Variants in GUCY2C observed in about 807,000 individuals in gnomAD.
GUCY2C encodes guanylate cyclase 2C.
A neutral mutation model predicts 131.1 loss-of-function variants in GUCY2C; 118 were observed. That is an observed-to-expected ratio of 0.90 (90% CI 0.78 to 1.05). The LOEUF (loss-of-function observed/expected upper bound fraction) is 1.05. Among genes scored for constraint, GUCY2C ranks in the 50% least tolerant of loss-of-function variants. GUCY2C has a pLI of 0.00. For missense variants in GUCY2C, 1,161 were observed against 1,304.4 expected, an observed-to-expected ratio of 0.89 and a Z score of 1.69; for synonymous variants, 452 against 457.8, an observed-to-expected ratio of 0.99 and a Z score of 0.16.
chr12:14,641,431 A>G (rs1273462359), intron 17 of GUCY2C, among the ~76,000 whole-genome samples: 6 of 152,186 alleles, frequency 3.9e-5, no homozygotes, highest in Non-Finnish European at 8.8e-5. Context: ...TAGACTAACT[A>G]TGAAATGTTA....
intron 18 of GUCY2C, among the ~76,000 whole-genome samples, chr12:14,640,332 C>T (rs192486794): frequency 6.4e-4 from 98 of 151,944 alleles, no homozygotes; most frequent in Admixed American, 5.1e-3. Context: ...TGGTGTGCAC[C>T]TGTCGTCCCA....
Position 14,672,951 on chromosome 12 carries a change from G to A in GUCY2C, c.1092C>T (p.Asp364=), listed in dbSNP as rs544933759. ...CCCAGTCATCCAAGGTCACTGGACC[G>A]TCATACCCTAGGGCAAGATCAGAGT... The part of the protein sequence containing the change: ...AFRNLTFEGY[D]GPVTLDDWGD... Residue 364 remains aspartate (D), a synonymous_variant, in exon 9 of 27, where the codon GAC becomes GAT. Transcript: ENST00000261170. The A allele has an allele frequency of 3.6e-5, 57 of 1,592,084 alleles. No homozygotes were observed. The highest frequency in any genetic ancestry group is 3.3e-4 in the Middle Eastern group (2 of 6,016).
chr12:14,672,972 A>C lies in GUCY2C; in HGVS notation c.1085-14T>G. On this transcript the variant is annotated splice_polypyrimidine_tract_variant and intron_variant, in intron 8 of 26. Transcript: ENST00000261170. ...GACCGTCATACCCTAGGGCAAGATC[A>C]GAGTATGTTAGAGGCCATTCTTGAT... 8 of 1,439,532 alleles carry C rather than the reference A, an allele frequency of 5.6e-6. No homozygotes were observed. The highest frequency in any genetic ancestry group is 7.8e-6 in the Non-Finnish European group (8 of 1,020,652). 89.2% of individuals were successfully genotyped at this position (1,439,532 alleles called of 1,614,324 possible).
chr12:14,657,621 G>GTT (rs779709091), intron 11 of GUCY2C, among the ~76,000 whole-genome samples: 1 of 152,076 alleles, frequency 6.6e-6, no homozygotes, highest in Non-Finnish European at 1.5e-5. Flanking sequence ...CAGTGGTGGC[G>GTT]TTAGATTCTC....
chr12:14,624,866 A>G (rs1592081234), intron 21 of GUCY2C, among the ~76,000 whole-genome samples: 1 of 152,186 alleles, frequency 6.6e-6, no homozygotes, highest in Admixed American at 6.5e-5. Context: ...AATGGTTAAA[A>G]CCACCGCCAA....
chr12:14,660,884 G>T, intron 11 of GUCY2C, 97 bp downstream of exon 11: 1 of 789,592 alleles, frequency 1.3e-6, no homozygotes, highest in Non-Finnish European at 2.2e-6. Context: ...AGGCTTCTTT[G>T]TGAATATTCA....
intron 3 of GUCY2C, 145 bp from the exon 4 acceptor site, chr12:14,683,402 G>C: frequency 1.6e-6 from 1 of 615,114 alleles, no homozygotes; most frequent in Non-Finnish European, 2.9e-6. Flanking sequence ...CATGTATATA[G>C]GTGTCTTTCT....
Position 14,625,743 on chromosome 12 carries a change from A to G in GUCY2C, c.2408+14T>C, listed in dbSNP as rs766342775. ...GAGGGATTTCAGCCTCCACATCAGCAAGGCTTGCCTTACCTTGGAAGCAAC... is the reference window on the plus strand; with the variant it reads ...GAGGGATTTCAGCCTCCACATCAGCGAGGCTTGCCTTACCTTGGAAGCAAC... On this transcript the variant is annotated intron_variant, in intron 21 of 26. Transcript: ENST00000261170. 21 of 1,612,800 alleles carry G rather than the reference A, an allele frequency of 1.3e-5. No individual in the cohort carries two copies. The Admixed American group carries it at 3.5e-4, about 27-fold the overall frequency.
At chr12:14,652,902 A>C in intron 13 of GUCY2C, 50 bp downstream of exon 13, 1 of 1,230,918 alleles carries the variant, frequency 8.1e-7, no homozygotes, top group Non-Finnish European at 1.2e-6. Context: ...AGGGGTCAAA[A>C]GGCCCAGAGC....
At chr12:14,685,886 T>C (rs1316280820) in intron 3 of GUCY2C, among the ~76,000 whole-genome samples, 1 of 152,230 alleles carries the variant, frequency 6.6e-6, no homozygotes, top group African/African-American at 2.4e-5. Flanking sequence ...CCAATTTCAC[T>C]GTCTTTCCTG....
intron 23 of GUCY2C, 75 bp downstream of exon 23, chr12:14,620,967 T>C: frequency 8.2e-7 from 1 of 1,218,402 alleles, no homozygotes; most frequent in Non-Finnish European, 1.2e-6. Flanking sequence ...CTTGAAGACC[T>C]TTTATCCTTT....
At chr12:14,657,716 C>T (rs532901967) in intron 11 of GUCY2C, among the ~76,000 whole-genome samples, 2 of 152,244 alleles carry the variant, frequency 1.3e-5, no homozygotes, top group Non-Finnish European at 2.9e-5. Flanking sequence ...CTAACTAATG[C>T]CTGATGATCT....
At position 14,615,060 on chromosome 12, in the gene GUCY2C, T is replaced by G. The variant is rs1416708411; in HGVS notation, c.2971-117A>C. On this transcript the variant is annotated intron_variant, in intron 25 of 26. Transcript: ENST00000261170. ...GTTTCACTTCCGCATTTCTCATCAG[T>G]GCCAATATTTAAGCACATCACACAT... is the stretch of plus-strand genomic sequence containing the variant. The G allele has an allele frequency of 5.4e-6, 3 of 555,280 alleles. No individual in the cohort carries two copies. In the African/African-American group the frequency reaches 6.0e-5, roughly 11 times the overall value. 34.4% of individuals were successfully genotyped at this position (555,280 alleles called of 1,614,324 possible).
chr12:14,616,318 T>G (rs1429183598), intron 25 of GUCY2C, among the ~76,000 whole-genome samples: 3 of 152,108 alleles, frequency 2.0e-5, no homozygotes, highest in African/African-American at 7.2e-5. Flanking sequence ...GACAAGGGTT[T>G]TGATTCAAAT....
chr12:14,643,616 T>G lies in GUCY2C; in HGVS notation c.1888A>C (p.Ile630Leu). The G allele has an allele frequency of 6.2e-7, 1 of 1,613,816 alleles. No homozygotes were observed. Among genetic ancestry groups the G allele is most frequent in the South Asian group, 1.1e-5 (1 of 91,078 alleles). Residue 630 changes from isoleucine (I) to leucine (L), a missense_variant, in exon 17 of 27, where the codon ATC (isoleucine) becomes CTC (leucine). Ile to Leu is a conservative substitution (Grantham distance 5, BLOSUM62 2). Coordinates refer to ENST00000261170, the MANE Select transcript of GUCY2C (RefSeq NM_004963.4). ...CVVDSRMVVK[I>L]TDFGCNSILP... ...ATGGAATTGCAGCCAAAATCAGTGATCTTCACCACCATTCTACTGTCCACT... is the reference window on the plus strand; with the variant it reads ...ATGGAATTGCAGCCAAAATCAGTGAGCTTCACCACCATTCTACTGTCCACT...
intron 10 of GUCY2C, among the ~76,000 whole-genome samples, chr12:14,666,664 G>A (rs1947986944): frequency 6.6e-6 from 1 of 150,978 alleles, no homozygotes; most frequent in Non-Finnish European, 1.5e-5. Flanking sequence ...GAATCCGGGA[G>A]GCAGAGGTTG....
intron 6 of GUCY2C, among the ~76,000 whole-genome samples, chr12:14,679,188 T>A (rs1189380438): frequency 2.0e-5 from 3 of 152,226 alleles, no homozygotes; most frequent in Non-Finnish European, 2.9e-5. Flanking sequence ...GACAAAGACT[T>A]TAAAATCAGG....
At chr12:14,671,922 T>G (rs1335527812) in intron 9 of GUCY2C, among the ~76,000 whole-genome samples, 1 of 152,220 alleles carries the variant, frequency 6.6e-6, no homozygotes, top group African/African-American at 2.4e-5. Flanking sequence ...CGAATTACAT[T>G]TATGGAATGC....
intron 1 of GUCY2C, among the ~76,000 whole-genome samples, chr12:14,693,125 T>C (rs1378165450): frequency 6.6e-6 from 1 of 152,144 alleles, no homozygotes; most frequent in Non-Finnish European, 1.5e-5. Flanking sequence ...TTTCATCCTT[T>C]CCTACCGGCA....
Sources: gnomAD v4.1 joint callset for allele counts (sites outside exome capture counted in the v4.1 genomes callset) on GRCh38, gnomAD v4.1.1 for gene constraint, MANE v1.5 for transcripts, NCBI Gene and HGNC (gene_info 2026-07-23, HGNC 2026-07-21) for gene names.